Variants in HIVEP3 observed in about 807,000 individuals in gnomAD.
HIVEP3 encodes HIVEP zinc finger 3, also known as transcription factor HIVEP3.
Under a neutral mutation model 152.8 loss-of-function variants are expected in HIVEP3, and 49 were observed. The observed-to-expected ratio is 0.32, with a 90% confidence interval of 0.26 to 0.41. The LOEUF (loss-of-function observed/expected upper bound fraction) is 0.41. HIVEP3 is among the 10% of genes least tolerant of loss of function. HIVEP3 has a pLI of 1.00. For missense variants in HIVEP3, 2,790 were observed against 3,103.3 expected, an observed-to-expected ratio of 0.90 and a Z score of 2.40; for synonymous variants, 1,269 against 1,289.0, an observed-to-expected ratio of 0.98 and a Z score of 0.33.
Position 41,628,748 on chromosome 1 carries a change from C to T in HIVEP3, c.-522+1G>A, listed in dbSNP as rs1032973919. 1.5e-5 allele frequency: 18 copies of T among 1,232,108 alleles called. No homozygotes were observed. Among genetic ancestry groups the T allele is most frequent in the Non-Finnish European group, 1.8e-5 (18 of 988,002 alleles). 76.3% of individuals were successfully genotyped at this position (1,232,108 alleles called of 1,614,324 possible). On this transcript the variant is annotated splice_donor_variant, in intron 3 of 8. Coordinates refer to ENST00000372583, the MANE Select transcript of HIVEP3 (RefSeq NM_024503.5). LOFTEE classifies it low-confidence loss of function (5UTR_SPLICE). ...ATTCAGCAACAGCCCCCATTTCCTA[C>T]CTGTGCTGAAGGCACCACTTCCGAT...
In HIVEP3 at chr1:41,513,617, C is replaced by T; in HGVS notation, c.5604G>A (p.Glu1868=). 6.2e-7 allele frequency: 1 copy of T among 1,613,958 alleles called. No homozygotes were observed. Among genetic ancestry groups the T allele is most frequent in the Admixed American group, 1.7e-5 (1 of 60,016 alleles). The change falls in exon 8 of 9, where the codon GAG becomes GAA. Residue 1868 remains glutamate (E), a synonymous_variant. Transcript: ENST00000372583. Reference sequence around the variant, plus strand: ...GTCTGGACAGCTCATCCTGGCTCTCCTCCTCATCCTCATCCTCGTCTTCGT... The same window carrying T: ...GTCTGGACAGCTCATCCTGGCTCTCTTCCTCATCCTCATCCTCGTCTTCGT... ...DLDEDEDEDE[E]ESQDELSRPS... is the part of the protein sequence containing the mutation.
chr1:41,757,152 G>A (rs1416240914), intron 1 of HIVEP3, among the ~76,000 whole-genome samples: 1 of 149,592 alleles, frequency 6.7e-6, no homozygotes, highest in African/African-American at 2.5e-5. Context: ...ATCTCGCTCT[G>A]TGGCCCAGGC....
chr1:41,935,882 G>A (rs939497587), intron 1 of HIVEP3, among the ~76,000 whole-genome samples: 23 of 151,868 alleles, frequency 1.5e-4, no homozygotes, highest in African/African-American at 5.1e-4. Context: ...GATACCTGGA[G>A]CATAGCAACA....
chr1:41,592,958 T>C (rs1482556619), intron 3 of HIVEP3, among the ~76,000 whole-genome samples: 1 of 152,176 alleles, frequency 6.6e-6, no homozygotes, highest in Non-Finnish European at 1.5e-5. Flanking sequence ...TGACCCTCTC[T>C]TGGGCTGTCA....
chr1:41,525,049 C>T (rs552026602), intron 5 of HIVEP3, 139 bp from the exon 6 acceptor site: 100 of 788,544 alleles, frequency 1.3e-4, no homozygotes, highest in African/African-American at 1.2e-3. Flanking sequence ...CAGAGAGGAC[C>T]ACGAGAGTGG....
At chr1:41,544,863 A>T (rs1484044727) in intron 5 of HIVEP3, among the ~76,000 whole-genome samples, 1 of 121,492 alleles carries the variant, frequency 8.2e-6, no homozygotes, top group African/African-American at 3.6e-5. Context: ...CACCACCACC[A>T]CCACCACCAC....
chr1:41,673,264 G>A (rs1645904954), intron 2 of HIVEP3, among the ~76,000 whole-genome samples: 1 of 152,350 alleles, frequency 6.6e-6, no homozygotes, highest in East Asian at 1.9e-4. Flanking sequence ...TCTCCCAGAG[G>A]CCAGATGGGT....
chr1:42,032,577 T>C (rs1002448511), intron 1 of HIVEP3, among the ~76,000 whole-genome samples: 2 of 152,078 alleles, frequency 1.3e-5, no homozygotes, highest in African/African-American at 4.8e-5. Flanking sequence ...CAAAACTGTC[T>C]CTCCTCTCCA....
At chr1:41,980,503 T>C (rs994038304) in intron 1 of HIVEP3, among the ~76,000 whole-genome samples, 1 of 152,196 alleles carries the variant, frequency 6.6e-6, no homozygotes, top group Non-Finnish European at 1.5e-5. Context: ...AAGGCAGATC[T>C]ATAGCGACAG....
chr1:41,632,587 C>A (rs1450259539), intron 2 of HIVEP3, among the ~76,000 whole-genome samples: 1 of 151,976 alleles, frequency 6.6e-6, no homozygotes, highest in Non-Finnish European at 1.5e-5. Flanking sequence ...GAAACCCTGT[C>A]TCTACTGAAA....
chr1:41,518,555 T>C, intron 6 of HIVEP3, 67 bp from the exon 7 acceptor site: 3 of 1,429,414 alleles, frequency 2.1e-6, no homozygotes, highest in South Asian at 2.3e-5. Context: ...CCAGGGCTCA[T>C]GGAGGTAGCA....
chr1:41,882,916 C>T (rs970802984), intron 1 of HIVEP3, among the ~76,000 whole-genome samples: 4 of 152,240 alleles, frequency 2.6e-5, no homozygotes, highest in East Asian at 1.9e-4. Context: ...GGGTTAAAGG[C>T]AAATTTTTAA....
rs747058029 is a variant in HIVEP3, at chr1:41,582,543, T to G, written c.2255A>C (p.Glu752Ala). 3.1e-6 allele frequency: 5 copies of G among 1,611,450 alleles called. No individual in the cohort carries two copies. In the Admixed American group the frequency reaches 5.0e-5, roughly 16 times the overall value. Residue 752 changes from glutamate (E) to alanine (A), a missense_variant, in exon 4 of 9, where the codon GAG becomes GCG. By Grantham distance (107) the Glu-to-Ala change is moderately radical. Transcript: ENST00000372583. The surrounding 1 kb of genome is among the most constrained non-coding windows in gnomAD (Gnocchi z 4.7). Reference sequence around the variant, plus strand: ...TGGTTCTGCTGGTGACTTGGTGGACTCCAGGGGAAGGTTCCGAGCAGCATC... The same window carrying G: ...TGGTTCTGCTGGTGACTTGGTGGACGCCAGGGGAAGGTTCCGAGCAGCATC... ...PSDAARNLPL[E>A]STKSPAEPSK...
intron 1 of HIVEP3, among the ~76,000 whole-genome samples, chr1:41,861,108 T>A (rs919573506): frequency 6.6e-6 from 1 of 152,206 alleles, no homozygotes; most frequent in African/African-American, 2.4e-5. Flanking sequence ...TCACAGCCTA[T>A]AGCACTGCCT....
chr1:41,951,206 A>G (rs566712697), intron 1 of HIVEP3, among the ~76,000 whole-genome samples: 1 of 152,364 alleles, frequency 6.6e-6, no homozygotes, highest in Admixed American at 6.5e-5. Context: ...GAATTATTTA[A>G]AACATGGAAA....
At chr1:41,805,392 T>G (rs905559948) in intron 1 of HIVEP3, among the ~76,000 whole-genome samples, 1 of 152,190 alleles carries the variant, frequency 6.6e-6, no homozygotes, top group Non-Finnish European at 1.5e-5. Flanking sequence ...AATATTCCAA[T>G]TGAGAACCCA....
At chr1:41,604,292 A>C (rs1476275300) in intron 3 of HIVEP3, among the ~76,000 whole-genome samples, 2 of 152,240 alleles carry the variant, frequency 1.3e-5, no homozygotes, top group African/African-American at 4.8e-5. Context: ...AGCAACAAAT[A>C]GAATGGATAA....
At chr1:41,828,822 T>C (rs1642877530) in intron 1 of HIVEP3, among the ~76,000 whole-genome samples, 1 of 152,242 alleles carries the variant, frequency 6.6e-6, no homozygotes, top group Admixed American at 6.5e-5. Flanking sequence ...AGAATCCCTT[T>C]CATTGTGCCA....
At chr1:41,616,992 AAC>A (rs1644978592) in intron 3 of HIVEP3, among the ~76,000 whole-genome samples, 1 of 152,116 alleles carries the variant, frequency 6.6e-6, no homozygotes, top group African/African-American at 2.4e-5. Flanking sequence ...AGGGTCAAGC[AAC>A]ACAGTTTGTA....
Sources: gnomAD v4.1 joint callset for allele counts (sites outside exome capture counted in the v4.1 genomes callset) on GRCh38, gnomAD v4.1.1 for gene constraint, Gnocchi (gnomAD v3.1) non-coding constraint, MANE v1.5 for transcripts, NCBI Gene and HGNC (gene_info 2026-07-23, HGNC 2026-07-21) for gene names.